The following CA10 variants were observed in gnomAD, a reference collection of about 807,000 sequenced individuals.
The protein encoded by CA10 is carbonic anhydrase 10 (inactive), also known as carbonic anhydrase-related protein 10.
CA10 carries 14 observed loss-of-function variants against 44.2 expected under a neutral mutation model. The ratio of observed to expected loss-of-function variants is 0.32; its 90% confidence interval spans 0.21 to 0.50. CA10 has a LOEUF of 0.50. Ranked by LOEUF, CA10 falls within the 20% of genes least tolerant of loss-of-function variation. The probability of loss-of-function intolerance (pLI) is 0.99; values close to 1 mark genes in which losing one functional copy is unlikely to be tolerated. For missense variants in CA10, 350 were observed against 409.7 expected (o/e 0.85, Z 1.26); for synonymous variants, 159 against 141.6 (o/e 1.12, Z -0.87).
At chr17:51,651,701 ACT>A (rs1913573169) in intron 5 of CA10, among the ~76,000 whole-genome samples, 1 of 152,120 alleles carries the variant, frequency 6.6e-6, no homozygotes, top group Admixed American at 6.5e-5. Context: ...TGTATCCGTC[ACT>A]CTGTCAGCTG....
Position 52,077,421 on chromosome 17 carries a change from C to T in CA10, c.62-5028G>A, listed in dbSNP as rs1169516663. 2.0e-5 allele frequency among the ~76,000 whole-genome samples: 3 copies of T among 152,130 alleles called. No individual in the cohort carries two copies. In the East Asian group the frequency reaches 5.8e-4, roughly 29 times the overall value. ...CATGTTTTAGGCTTTGAAGCCCATA[C>T]TATTTCTGTGCCAACTGCTCCACTT... On this transcript the variant is annotated intron_variant, in intron 1 of 8. Transcript: ENST00000451037.
chr17:51,693,790 C>G (rs947645802), intron 4 of CA10, among the ~76,000 whole-genome samples: 8 of 152,144 alleles, frequency 5.3e-5, no homozygotes, highest in African/African-American at 1.4e-4. Flanking sequence ...ATTGTAAATA[C>G]TAATGTGATG....
chr17:51,922,120 GC>G (rs1183947791), intron 3 of CA10, among the ~76,000 whole-genome samples: 3 of 152,132 alleles, frequency 2.0e-5, no homozygotes, highest in African/African-American at 7.2e-5. Flanking sequence ...ATTATTACCT[GC>G]CTACTAAGTG....
chr17:51,670,661 GTC>G (rs929586643), intron 4 of CA10, among the ~76,000 whole-genome samples: 8 of 152,122 alleles, frequency 5.3e-5, no homozygotes, highest in African/African-American at 1.9e-4. Flanking sequence ...CCAGGTGCTT[GTC>G]TCTTATATCC....
chr17:51,810,482 G>A (rs1390799533), intron 3 of CA10, among the ~76,000 whole-genome samples: 1 of 152,158 alleles, frequency 6.6e-6, no homozygotes, highest in African/African-American at 2.4e-5. Flanking sequence ...GCAAGAGCGA[G>A]AGGGCTGAGG....
chr17:52,140,071 T>A (rs1989443820), intron 1 of CA10, among the ~76,000 whole-genome samples: 1 of 152,220 alleles, frequency 6.6e-6, no homozygotes, highest in Non-Finnish European at 1.5e-5. Flanking sequence ...AGATCTGTGG[T>A]TGCCTGCACA....
At chr17:52,032,401 TC>T (rs1361279928) in intron 2 of CA10, among the ~76,000 whole-genome samples, 2 of 152,146 alleles carry the variant, frequency 1.3e-5, no homozygotes, top group African/African-American at 2.4e-5. Flanking sequence ...GCTTTGTACC[TC>T]TTTTTGCATG....
At chr17:52,133,227 C>A (rs1028653359) in intron 1 of CA10, among the ~76,000 whole-genome samples, 1 of 152,186 alleles carries the variant, frequency 6.6e-6, no homozygotes, top group Non-Finnish European at 1.5e-5. Flanking sequence ...GCCCATGGTG[C>A]AAACCTCTAA....
intron 2 of CA10, among the ~76,000 whole-genome samples, chr17:52,040,527 A>AT (rs1986740634): frequency 6.6e-6 from 1 of 152,102 alleles, no homozygotes; most frequent in South Asian, 2.1e-4. Context: ...AAACAATTAG[A>AT]TAATTAGTAT....
At chr17:51,922,142 T>C (rs1271103424) in intron 3 of CA10, among the ~76,000 whole-genome samples, 1 of 152,178 alleles carries the variant, frequency 6.6e-6, no homozygotes, top group East Asian at 1.9e-4. Flanking sequence ...CATTTTTTCA[T>C]ATAATTCTCT....
At position 51,711,673 on chromosome 17, in the gene CA10, TAAGCA is replaced by T. The variant is rs1915947101; in HGVS notation, c.465+35955_465+35959del. Among the ~76,000 whole-genome samples, 3 of 152,358 alleles carry T rather than the reference TAAGCA, an allele frequency of 2.0e-5. No individual in the cohort carries two copies. The East Asian group carries it at 5.8e-4, about 29-fold the overall frequency. On this transcript the variant is annotated intron_variant, in intron 4 of 8. Coordinates refer to ENST00000451037, the MANE Select transcript of CA10 (RefSeq NM_020178.5). ...GCGGGACAGAGCTGAAACAAATATC[TAAGCA>T]AAGCTTTTGATTTGCCTGCAGATTG...
chr17:52,075,367 T>A (rs1467967605), intron 1 of CA10, among the ~76,000 whole-genome samples: 1 of 152,200 alleles, frequency 6.6e-6, no homozygotes, highest in Non-Finnish European at 1.5e-5. Context: ...CTCAATGGTA[T>A]GTGGTTTTCC....
chr17:51,714,028 G>C (rs1414267006), intron 4 of CA10, among the ~76,000 whole-genome samples: 1 of 152,142 alleles, frequency 6.6e-6, no homozygotes, highest in African/African-American at 2.4e-5. Context: ...AGAACACTGA[G>C]TGCTCCCTGC....
intron 3 of CA10, among the ~76,000 whole-genome samples, chr17:51,816,984 G>A (rs1907587351): frequency 6.6e-6 from 1 of 152,158 alleles, no homozygotes; most frequent in African/African-American, 2.4e-5. Context: ...CCTTTCTTGT[G>A]TTATCTACTG....
At chr17:51,728,323 C>T (rs1236514142) in intron 4 of CA10, among the ~76,000 whole-genome samples, 1 of 151,960 alleles carries the variant, frequency 6.6e-6, no homozygotes, top group Non-Finnish European at 1.5e-5. Flanking sequence ...AACATTGGCA[C>T]AACACTATGA....
At chr17:51,936,012 C>A (rs1170783611) in intron 2 of CA10, among the ~76,000 whole-genome samples, 1 of 152,138 alleles carries the variant, frequency 6.6e-6, no homozygotes, top group African/African-American at 2.4e-5. Flanking sequence ...GCAGAATTTG[C>A]TGCTGTGGGC....
intron 2 of CA10, among the ~76,000 whole-genome samples, chr17:51,997,849 G>C (rs776039603): frequency 6.6e-6 from 1 of 152,038 alleles, no homozygotes; most frequent in African/African-American, 2.4e-5. Context: ...AAAGAAAACT[G>C]ACACCACTGA....
rs7225189 is a variant in CA10 at position 52,135,421 on chromosome 17, T to C, written c.61+22305A>G. On this transcript the variant is annotated intron_variant, in intron 1 of 8. Transcript: ENST00000451037. The stretch of plus-strand genomic sequence containing the variant: ...ATCAGAGAGCTCAAAACTCCACCCT[T>C]GGATCATGCTAATGCTACCATTTTT... Among the ~76,000 whole-genome samples the C allele has an allele frequency of 2.5e-3, 388 of 152,294 alleles. 1 individual carries two copies. The highest frequency in any genetic ancestry group is 9.0e-3 in the African/African-American group (375 of 41,552).
chr17:52,068,026 G>T (rs1567722448), intron 2 of CA10, among the ~76,000 whole-genome samples: 1 of 152,212 alleles, frequency 6.6e-6, no homozygotes, highest in Non-Finnish European at 1.5e-5. Flanking sequence ...GGACAGTTGG[G>T]TAGGCAGGAT....
Sources: gnomAD v4.1 joint callset for allele counts (sites outside exome capture counted in the v4.1 genomes callset) on GRCh38, gnomAD v4.1.1 for gene constraint, MANE v1.5 for transcripts, NCBI Gene and HGNC (gene_info 2026-07-23, HGNC 2026-07-21) for gene names.